LY6H: variants seen among roughly 807,000 people sequenced by gnomAD.
The protein encoded by LY6H is lymphocyte antigen 6 family member H, also known as lymphocyte antigen 6H.
In LY6H, 8 loss-of-function variants were observed where a neutral mutation model predicts 14.6. The observed-to-expected ratio is 0.55, with a 90% confidence interval of 0.32 to 0.99. The LOEUF is 0.99. LY6H is among the 50% of genes least tolerant of loss of function. LY6H has a pLI of 0.04. For synonymous variants in LY6H, 115 were observed against 97.2 expected, an observed-to-expected ratio of 1.18 and a Z score of -1.08; for missense variants, 196 against 219.6, an observed-to-expected ratio of 0.89 and a Z score of 0.68.
At chr8:143,159,978 G>T in intron 1 of LY6H, 1 of 1,234,198 alleles carries the variant, frequency 8.1e-7, no homozygotes, top group Non-Finnish European at 1.0e-6. Flanking sequence ...TCTCCCCGGG[G>T]AGCTGCAGGT....
At chr8:143,159,451 C>T in intron 2 of LY6H, 131 bp downstream of exon 2, 1 of 1,116,664 alleles carries the variant, frequency 9.0e-7, no homozygotes, top group Non-Finnish European at 1.2e-6. Flanking sequence ...TCGCAGGGGT[C>T]CCGGAGGGGG....
intron 1 of LY6H, chr8:143,159,924 C>T: frequency 8.1e-7 from 1 of 1,227,664 alleles, no homozygotes; most frequent in Admixed American, 4.2e-5. Context: ...CGCCTCCGCC[C>T]CGCGCCGGCA....
chr8:143,160,368 CG>C (rs1383829720), upstream of LY6H: 3 of 282,662 alleles, frequency 1.1e-5, no homozygotes, highest in East Asian at 7.7e-5. Flanking sequence ...GGGGGCCGCG[CG>C]GGGGGCGGGG....
chr8:143,160,242 G>T lies in LY6H; in HGVS notation c.-43C>A. On this transcript the variant is annotated 5_prime_UTR_variant, in exon 1 of 4. Transcript: ENST00000342752. Reference sequence around the variant, plus strand: ...TCCGGGCTCGGGCGGCGTGCGCGGCGCGGGGAGCTGTGCCCTTCGGTCTCC... The same window carrying T: ...TCCGGGCTCGGGCGGCGTGCGCGGCTCGGGGAGCTGTGCCCTTCGGTCTCC... The T allele has an allele frequency of 7.8e-7, 1 of 1,276,942 alleles. No individual in the cohort carries two copies. The highest frequency in any genetic ancestry group is 9.9e-7 in the Non-Finnish European group (1 of 1,010,912). 79.1% of individuals were successfully genotyped at this position (1,276,942 alleles called of 1,614,324 possible). A position where few individuals can be genotyped will look rare whatever the true frequency, so the allele number is the denominator to read the frequency against.
At chr8:143,159,481 G>A in intron 2 of LY6H, 101 bp downstream of exon 2, 1 of 1,331,610 alleles carries the variant, frequency 7.5e-7, no homozygotes, top group South Asian at 1.6e-5. Flanking sequence ...TATGCGAAGT[G>A]CGGTGGGAAC....
intron 1 of LY6H, 54 bp from the exon 2 acceptor site, chr8:143,159,763 C>T: frequency 7.6e-7 from 1 of 1,316,482 alleles, no homozygotes; most frequent in Non-Finnish European, 9.7e-7. Context: ...CCTTTCCCAG[C>T]CTCAGGATGC....
In LY6H at chr8:143,158,009, C is replaced by A; in HGVS notation, c.*241G>T. ...CCCTCCGGGACCTGGGGGTCCCCCC[C>A]CACCCTCATCCCCAGGCCTCCTGCC... On this transcript the variant is annotated 3_prime_UTR_variant, in exon 4 of 4. Transcript: ENST00000342752. 4.0e-6 allele frequency: 2 copies of A among 502,108 alleles called. No homozygotes were observed. The highest frequency in any genetic ancestry group is 7.0e-6 in the Non-Finnish European group (2 of 287,636). 31.1% of individuals were successfully genotyped at this position (502,108 alleles called of 1,614,324 possible). A position where few individuals can be genotyped will look rare whatever the true frequency, so the allele number is the denominator to read the frequency against.
chr8:143,159,088 G>A, intron 2 of LY6H, 166 bp from the exon 3 acceptor site: 2 of 957,882 alleles, frequency 2.1e-6, no homozygotes, highest in East Asian at 2.6e-5. Context: ...GAGGCCCTGG[G>A]ACAACTGTGC....
intron 1 of LY6H, 166 bp downstream of exon 1, chr8:143,160,032 C>A (rs1815560377): frequency 8.9e-7 from 1 of 1,129,078 alleles, no homozygotes; most frequent in Non-Finnish European, 1.1e-6. Flanking sequence ...GCGGGTGGGA[C>A]CTGCCACTGG....
intron 2 of LY6H, 29 bp from the exon 3 acceptor site, chr8:143,158,951 C>A (rs1391811694): frequency 6.2e-7 from 1 of 1,610,168 alleles, no homozygotes; most frequent in African/African-American, 1.3e-5. Context: ...GGAGGGTGAC[C>A]AGAGGCACTG....
chr8:143,159,578 T>G lies in LY6H; in HGVS notation c.130+4A>C. On this transcript the variant is annotated splice_donor_region_variant and intron_variant, in intron 2 of 3. Coordinates refer to ENST00000342752, the MANE Select transcript of LY6H (RefSeq NM_001135655.2). Reference sequence around the variant, plus strand: ...CTGACCCAGCCCGCGGGCCCCCTACTCACCGGGCGCCGAGCACAGCAGGAC... The same window carrying G: ...CTGACCCAGCCCGCGGGCCCCCTACGCACCGGGCGCCGAGCACAGCAGGAC... The G allele has an allele frequency of 6.7e-7, 1 of 1,499,740 alleles. No homozygotes were observed. Among genetic ancestry groups the G allele is most frequent in the Non-Finnish European group, 8.8e-7 (1 of 1,132,412 alleles). 92.9% of individuals were successfully genotyped at this position (1,499,740 alleles called of 1,614,324 possible).
rs891633533 is a variant in LY6H at position 143,159,715 on chromosome 8, G to A, written c.3-6C>T. The A allele has an allele frequency of 6.6e-6, 9 of 1,367,178 alleles. No individual in the cohort carries two copies. The highest frequency in any genetic ancestry group is 7.5e-6 in the Non-Finnish European group (8 of 1,068,014). 84.7% of individuals were successfully genotyped at this position (1,367,178 alleles called of 1,614,324 possible). A position where few individuals can be genotyped will look rare whatever the true frequency, so the allele number is the denominator to read the frequency against. ...GGGTCCTCTGGGGCGCAAGCCTGGA[G>A]GGGAGAAGCATCGGTCAGGAGACCC... On this transcript the variant is annotated splice_polypyrimidine_tract_variant and splice_region_variant and intron_variant, in intron 1 of 3. Transcript: ENST00000342752.
At chr8:143,159,510 C>T in intron 2 of LY6H, 72 bp downstream of exon 2, 1 of 1,419,974 alleles carries the variant, frequency 7.0e-7, no homozygotes. Context: ...GGTGGCAGCC[C>T]CACACCCGGC....
Position 143,157,953 on chromosome 8 carries a change from C to T in LY6H, c.*297G>A, listed in dbSNP as rs535770394. ...AGTGACTTTATTTCTCCGCAGAAGACGCCCTTCCAGCTGGGCTGTTGCTTC... is the reference window on the plus strand; with the variant it reads ...AGTGACTTTATTTCTCCGCAGAAGATGCCCTTCCAGCTGGGCTGTTGCTTC... On this transcript the variant is annotated 3_prime_UTR_variant, in exon 4 of 4. Coordinates refer to ENST00000342752, the MANE Select transcript of LY6H (RefSeq NM_001135655.2). 4.2e-5 allele frequency: 18 copies of T among 428,598 alleles called. No homozygotes were observed. The highest frequency in any genetic ancestry group is 5.7e-5 in the Non-Finnish European group (14 of 244,078). 26.5% of individuals were successfully genotyped at this position (428,598 alleles called of 1,614,324 possible).
chr8:143,158,592 G>C (rs1815510481), intron 3 of LY6H, 107 bp from the exon 4 acceptor site: 1 of 1,200,990 alleles, frequency 8.3e-7, no homozygotes, highest in East Asian at 2.4e-5. Context: ...GGCCCCAGTA[G>C]GCAGGGCCGA....
chr8:143,158,174 G>T lies in LY6H; in HGVS notation c.*76C>A. On this transcript the variant is annotated 3_prime_UTR_variant, in exon 4 of 4. Coordinates refer to ENST00000342752, the MANE Select transcript of LY6H (RefSeq NM_001135655.2). ...TGGGCCAAGGCTGCCCCCAGCCCCA[G>T]CCACGCCAGGCTGGGGAGAGGGCAG... 9.1e-7 allele frequency: 1 copy of T among 1,096,810 alleles called. No homozygotes were observed. The allele number at this position is 1,096,810 out of a possible 1,614,324, so 67.9% of individuals were successfully genotyped here.
chr8:143,160,309 C>G lies in LY6H; in HGVS notation c.-110G>C. On this transcript the variant is annotated 5_prime_UTR_variant, in exon 1 of 4. Coordinates refer to ENST00000342752, the MANE Select transcript of LY6H (RefSeq NM_001135655.2). ...GGGCGCAGCCTCGTCTTTCGGGGAACGCAGCCGCAGACGCGGACCCCGCGC... is the reference window on the plus strand; with the variant it reads ...GGGCGCAGCCTCGTCTTTCGGGGAAGGCAGCCGCAGACGCGGACCCCGCGC... The G allele has an allele frequency of 1.1e-6, 1 of 940,146 alleles. No homozygotes were observed. Among genetic ancestry groups the G allele is most frequent in the Non-Finnish European group, 1.4e-6 (1 of 725,042 alleles). The allele number at this position is 940,146 out of a possible 1,614,324, so 58.2% of individuals were successfully genotyped here. A position where few individuals can be genotyped will look rare whatever the true frequency, so the allele number is the denominator to read the frequency against.
Position 143,160,308 on chromosome 8 carries a change from A to C in LY6H, c.-109T>G. 2 of 916,112 alleles carry C rather than the reference A, an allele frequency of 2.2e-6. No individual in the cohort carries two copies. Among genetic ancestry groups the C allele is most frequent in the Non-Finnish European group, 2.8e-6 (2 of 709,396 alleles). The allele number at this position is 916,112 out of a possible 1,614,324, so 56.7% of individuals were successfully genotyped here. Reference sequence around the variant, plus strand: ...CGGGCGCAGCCTCGTCTTTCGGGGAACGCAGCCGCAGACGCGGACCCCGCG... The same window carrying C: ...CGGGCGCAGCCTCGTCTTTCGGGGACCGCAGCCGCAGACGCGGACCCCGCG... On this transcript the variant is annotated 5_prime_UTR_variant, in exon 1 of 4. Transcript: ENST00000342752.
At chr8:143,159,423 C>T (rs1815538213) in intron 2 of LY6H, 159 bp downstream of exon 2, 2 of 812,418 alleles carry the variant, frequency 2.5e-6, no homozygotes, top group African/African-American at 1.8e-5. Flanking sequence ...GGCAGAGGGG[C>T]CGAGGGCCGG....
Sources: gnomAD v4.1 joint callset for allele counts on GRCh38, gnomAD v4.1.1 for gene constraint, MANE v1.5 for transcripts, NCBI Gene and HGNC (gene_info 2026-07-23, HGNC 2026-07-21) for gene names.